PTPRZ1: variants seen among roughly 807,000 people sequenced by gnomAD.
The protein encoded by PTPRZ1 is protein tyrosine phosphatase receptor type Z1.
In PTPRZ1, 82 loss-of-function variants were observed where a neutral mutation model predicts 214.1. That is an observed-to-expected ratio of 0.38 (90% CI 0.32 to 0.46). PTPRZ1 has a LOEUF of 0.46. Among genes scored for constraint, PTPRZ1 ranks in the 20% least tolerant of loss-of-function variants. The pLI is 1.00. For missense variants in PTPRZ1, 2,603 were observed against 2,748.7 expected (o/e 0.95, Z 1.19); for synonymous variants, 945 against 987.9 (o/e 0.96, Z 0.81).
intron 13 of PTPRZ1, among the ~76,000 whole-genome samples, chr7:122,023,523 T>TTA (rs199614560): frequency 0.34 from 37,929 of 113,056 alleles, 8,300 homozygotes; most frequent in African/African-American, 0.6. Flanking sequence ...TTATATATAA[T>TTA]TATATATATA....
intron 3 of PTPRZ1, among the ~76,000 whole-genome samples, chr7:121,968,647 TA>T (rs66475771): frequency 0.31 from 46,770 of 148,878 alleles, 8,878 homozygotes; most frequent in Middle Eastern, 0.42. Flanking sequence ...TTTTTTTTTT[TA>T]AAAAAAAGCA....
At chr7:121,999,372 G>A (rs183779602) in intron 10 of PTPRZ1, among the ~76,000 whole-genome samples, 24 of 152,100 alleles carry the variant, frequency 1.6e-4, no homozygotes, top group Non-Finnish European at 2.9e-4. Context: ...GCCATATCAC[G>A]CTACACCATT....
chr7:122,037,360 T>C lies in PTPRZ1; in HGVS notation c.5367+678T>C, dbSNP rs144784446. Among the ~76,000 whole-genome samples the C allele has an allele frequency of 5.3e-3, 809 of 152,266 alleles. 2 individuals are homozygous for C. The highest frequency in any genetic ancestry group is 0.018 in the African/African-American group (763 of 41,560). Reference sequence around the variant, plus strand: ...GGCACAAGGATGTGCATTTAGCTGATGAACAAAAAATTTCCATAGTAGTAC... The same window carrying C: ...GGCACAAGGATGTGCATTTAGCTGACGAACAAAAAATTTCCATAGTAGTAC... On this transcript the variant is annotated intron_variant, in intron 18 of 29. Transcript: ENST00000393386.
At chr7:121,929,973 C>A (rs2116379803) in intron 2 of PTPRZ1, among the ~76,000 whole-genome samples, 1 of 152,028 alleles carries the variant, frequency 6.6e-6, no homozygotes, top group Middle Eastern at 3.4e-3. Flanking sequence ...TATTGAAAAT[C>A]TTTATGAATT....
At chr7:121,950,066 C>T (rs932748835) in intron 2 of PTPRZ1, among the ~76,000 whole-genome samples, 32 of 152,206 alleles carry the variant, frequency 2.1e-4, no homozygotes, top group Admixed American at 2.1e-3. Context: ...TACAGTTCCA[C>T]ATGGCTGGGG....
intron 1 of PTPRZ1, among the ~76,000 whole-genome samples, chr7:121,926,337 T>C (rs953797753): frequency 6.6e-6 from 1 of 151,288 alleles, no homozygotes; most frequent in Non-Finnish European, 1.5e-5. Flanking sequence ...TACAATATTC[T>C]TAAAGTAAAT....
At chr7:121,926,496 A>T (rs1227798506) in intron 1 of PTPRZ1, among the ~76,000 whole-genome samples, 1 of 152,160 alleles carries the variant, frequency 6.6e-6, no homozygotes, top group Non-Finnish European at 1.5e-5. Context: ...GATACATGCT[A>T]TGCCATGTAT....
chr7:122,046,036 T>A (rs1001729790), intron 23 of PTPRZ1, among the ~76,000 whole-genome samples: 2 of 152,174 alleles, frequency 1.3e-5, no homozygotes, highest in African/African-American at 4.8e-5. Flanking sequence ...ATGCCAGGCT[T>A]TTGTGTTATT....
intron 1 of PTPRZ1, among the ~76,000 whole-genome samples, chr7:121,907,217 A>G (rs1369821370): frequency 6.6e-6 from 1 of 152,104 alleles, no homozygotes; most frequent in Non-Finnish European, 1.5e-5. Context: ...TGCTGCTTTT[A>G]TTAAATATGT....
chr7:121,909,969 G>A (rs1795222201), intron 1 of PTPRZ1, among the ~76,000 whole-genome samples: 1 of 152,150 alleles, frequency 6.6e-6, no homozygotes, highest in African/African-American at 2.4e-5. Context: ...TAACAAAAAA[G>A]TAAATATTTT....
intron 1 of PTPRZ1, among the ~76,000 whole-genome samples, chr7:121,923,523 T>C (rs75486886): frequency 0.045 from 6,905 of 152,232 alleles, 203 homozygotes; most frequent in East Asian, 0.084. Flanking sequence ...TTTGTGTGTG[T>C]ATTTTGTCAG....
chr7:122,020,519 A>T (rs750171926), intron 13 of PTPRZ1, among the ~76,000 whole-genome samples: 1 of 152,156 alleles, frequency 6.6e-6, no homozygotes, highest in Non-Finnish European at 1.5e-5. Context: ...AGGTGCAAAG[A>T]TCGGGAAGTA....
intron 11 of PTPRZ1, among the ~76,000 whole-genome samples, chr7:122,010,093 T>G (rs982475854): frequency 2.6e-5 from 4 of 152,098 alleles, no homozygotes; most frequent in African/African-American, 7.3e-5. Context: ...TTTAACCACT[T>G]CTTTCCATAG....
At chr7:122,019,709 A>C (rs1798959507) in intron 13 of PTPRZ1, among the ~76,000 whole-genome samples, 1 of 152,210 alleles carries the variant, frequency 6.6e-6, no homozygotes, top group African/African-American at 2.4e-5. Flanking sequence ...TAACCTGTGC[A>C]TAAAAGTAAA....
intron 1 of PTPRZ1, among the ~76,000 whole-genome samples, chr7:121,911,149 G>C (rs1011641304): frequency 4.0e-5 from 6 of 151,638 alleles, no homozygotes. Flanking sequence ...AGTAATGAAA[G>C]GTTTAATATT....
At chr7:122,032,675 G>C (rs538128748) in intron 15 of PTPRZ1, among the ~76,000 whole-genome samples, 1 of 152,198 alleles carries the variant, frequency 6.6e-6, no homozygotes, top group African/African-American at 2.4e-5. Context: ...ATTTAGGGAG[G>C]CAAAATGTTA....
intron 2 of PTPRZ1, among the ~76,000 whole-genome samples, chr7:121,944,005 A>G (rs879775721): frequency 5.3e-5 from 8 of 152,246 alleles, no homozygotes; most frequent in African/African-American, 7.2e-5. Flanking sequence ...GTATTGCCTC[A>G]GTGTAACATG....
At chr7:121,907,340 A>G (rs1795146260) in intron 1 of PTPRZ1, among the ~76,000 whole-genome samples, 1 of 152,142 alleles carries the variant, frequency 6.6e-6, no homozygotes, top group East Asian at 1.9e-4. Flanking sequence ...AATGAATTAA[A>G]TGTGGCAAAT....
At chr7:122,014,250 A>G (rs1205698808) in intron 12 of PTPRZ1, among the ~76,000 whole-genome samples, 1 of 152,038 alleles carries the variant, frequency 6.6e-6, no homozygotes, top group Non-Finnish European at 1.5e-5. Flanking sequence ...ATTTTAGATG[A>G]TTTTAATTTT....
Sources: gnomAD v4.1 joint callset for allele counts (sites outside exome capture counted in the v4.1 genomes callset) on GRCh38, gnomAD v4.1.1 for gene constraint, MANE v1.5 for transcripts, NCBI Gene and HGNC (gene_info 2026-07-23, HGNC 2026-07-21) for gene names.